Variants in GID8 observed in about 807,000 individuals in gnomAD.
GID8 encodes the protein GID complex subunit 8 homolog.
In GID8, 6 loss-of-function variants were observed where a neutral mutation model predicts 27.4. The observed-to-expected ratio is 0.22, with a 90% CI of 0.12 to 0.43. GID8 has a LOEUF of 0.43. Ranked by LOEUF, GID8 falls within the 20% of genes least tolerant of loss-of-function variation. GID8 has a pLI of 1.00. For synonymous variants in GID8, 112 were observed against 109.0 expected (o/e 1.03, Z -0.17); for missense variants, 173 against 287.6 (o/e 0.60, Z 2.88).
intron 2 of GID8, among the ~76,000 whole-genome samples, chr20:62,942,391 G>A (rs2065447599): frequency 6.6e-6 from 1 of 152,194 alleles, no homozygotes; most frequent in Non-Finnish European, 1.5e-5. Context: ...GGCGGAGGTT[G>A]CAGTGAGCCA....
intron 1 of GID8, among the ~76,000 whole-genome samples, chr20:62,940,015 C>T (rs1007998875): frequency 2.0e-5 from 3 of 152,084 alleles, no homozygotes; most frequent in Non-Finnish European, 4.4e-5. Flanking sequence ...CAGGTAACCC[C>T]CTCCTGAGTG....
At chr20:62,940,964 A>G (rs1051662946) in intron 1 of GID8, among the ~76,000 whole-genome samples, 3 of 152,204 alleles carry the variant, frequency 2.0e-5, no homozygotes, top group Admixed American at 1.3e-4. Context: ...AGGCTGTTAC[A>G]TGGTAAATTG....
At chr20:62,944,309 T>G (rs1439476915) in intron 4 of GID8, among the ~76,000 whole-genome samples, 4 of 152,214 alleles carry the variant, frequency 2.6e-5, no homozygotes, top group African/African-American at 9.7e-5. Flanking sequence ...GCTGCTATGT[T>G]TTTGTCTGGC....
At chr20:62,942,177 A>C (rs2065446651) in intron 2 of GID8, among the ~76,000 whole-genome samples, 1 of 152,164 alleles carries the variant, frequency 6.6e-6, no homozygotes, top group Admixed American at 6.5e-5. Context: ...TTTTGGGCCA[A>C]GCATGGTGGC....
intron 1 of GID8, among the ~76,000 whole-genome samples, chr20:62,940,693 A>C (rs1370095271): frequency 6.6e-6 from 1 of 152,230 alleles, no homozygotes; most frequent in Admixed American, 6.5e-5. Flanking sequence ...AGAGTCATCC[A>C]GGTGACTTTG....
intron 1 of GID8, 29 bp downstream of exon 1, chr20:62,938,282 C>G (rs1352724155): frequency 1.3e-5 from 2 of 150,580 alleles, no homozygotes; most frequent in African/African-American, 4.9e-5. Context: ...GCCCGGGCGG[C>G]CGGGCCGAGC....
rs1397973805 is a variant in GID8, at chr20:62,947,119, T to G, written c.*2207T>G. On this transcript the variant is annotated 3_prime_UTR_variant, in exon 5 of 5. Transcript: ENST00000266069. ...GATAAGCCAGTGCCAGCATCCAGCATGAGCAGATGTCGGGGAGACTGGGAA... is the reference window on the plus strand; with the variant it reads ...GATAAGCCAGTGCCAGCATCCAGCAGGAGCAGATGTCGGGGAGACTGGGAA... 1 of 152,266 alleles carries G rather than the reference T, an allele frequency of 6.6e-6. No homozygotes were observed. The highest frequency in any genetic ancestry group is 1.5e-5 in the Non-Finnish European group (1 of 68,056). 9.4% of individuals were successfully genotyped at this position (152,266 alleles called of 1,614,324 possible).
rs549000401 is a variant in GID8 at position 62,946,943 on chromosome 20, T to C, written c.*2031T>C. The C allele has an allele frequency of 1.6e-4, 24 of 152,368 alleles. No individual in the cohort carries two copies. Among genetic ancestry groups the C allele is most frequent in the Admixed American group, 1.5e-3 (23 of 15,302 alleles). 9.4% of individuals were successfully genotyped at this position (152,368 alleles called of 1,614,324 possible). On this transcript the variant is annotated 3_prime_UTR_variant, in exon 5 of 5. Transcript: ENST00000266069. ...AATATATCATCAATTTGACATATTC[T>C]TAAAACTAGAGGGTGTGAGAAGCAC...
chr20:62,945,778 C>T lies in GID8; in HGVS notation c.*866C>T, dbSNP rs1326142667. 3.1e-6 allele frequency: 4 copies of T among 1,270,950 alleles called. No individual in the cohort carries two copies. In the East Asian group the frequency reaches 2.2e-4, roughly 71 times the overall value. 78.7% of individuals were successfully genotyped at this position (1,270,950 alleles called of 1,614,324 possible). ...ACTTGGCCCTGTGCTGAGTGAGCGG[C>T]CTTCATTAGAGCGAGGCAGCCCTTG... On this transcript the variant is annotated 3_prime_UTR_variant, in exon 5 of 5. Transcript: ENST00000266069.
In GID8 at chr20:62,948,257, C is replaced by T. The variant is rs144163674; in HGVS notation, c.*3345C>T. 91 of 152,284 alleles carry T rather than the reference C, an allele frequency of 6.0e-4. No individual in the cohort carries two copies. The highest frequency in any genetic ancestry group is 2.0e-3 in the African/African-American group (83 of 41,554). The allele number at this position is 152,284 out of a possible 1,614,324, so 9.4% of individuals were successfully genotyped here. ...GTTTTTGTTTCAGAAATATGTATTG[C>T]TTTTCTCATATTTTTTGCAAATTGT... On this transcript the variant is annotated 3_prime_UTR_variant, in exon 5 of 5. Coordinates refer to ENST00000266069, the MANE Select transcript of GID8 (RefSeq NM_017896.3).
At chr20:62,938,912 A>G (rs1229092381) in intron 1 of GID8, 1 of 152,154 alleles carries the variant, frequency 6.6e-6, no homozygotes, top group African/African-American at 2.4e-5. Context: ...TGAGCCCGCG[A>G]GTTCGAGACC....
At chr20:62,942,740 C>G (rs1200996078) in intron 2 of GID8, among the ~76,000 whole-genome samples, 1 of 152,192 alleles carries the variant, frequency 6.6e-6, no homozygotes, top group Non-Finnish European at 1.5e-5. Flanking sequence ...GCCATTCTGA[C>G]CTCTTTGGCT....
rs1268331038 is a variant in GID8 at position 62,941,629 on chromosome 20, T to C, written c.118+9T>C. 2 of 1,400,822 alleles carry C rather than the reference T, an allele frequency of 1.4e-6. No individual in the cohort carries two copies. The highest frequency in any genetic ancestry group is 1.0e-6 in the Non-Finnish European group (1 of 985,210). 86.8% of individuals were successfully genotyped at this position (1,400,822 alleles called of 1,614,324 possible). A position where few individuals can be genotyped will look rare whatever the true frequency, so the allele number is the denominator to read the frequency against. On this transcript the variant is annotated intron_variant, in intron 2 of 4. Transcript: ENST00000266069. ...GAACTACCTGGTCACAGGTAATGGC[T>C]TACAGTGAGGATGCTGTTGCATGAA...
Position 62,943,085 on chromosome 20 carries a change from A to G in GID8, c.217A>G (p.Met73Val), listed in dbSNP as rs2065450481. 6.2e-7 allele frequency: 1 copy of G among 1,613,894 alleles called. No homozygotes were observed. Among genetic ancestry groups the G allele is most frequent in the Non-Finnish European group, 8.5e-7 (1 of 1,179,864 alleles). The change falls in exon 3 of 5, where the codon ATG becomes GTG. Residue 73 changes from methionine to valine, a missense_variant. Transcript: ENST00000266069. The surrounding 1 kb of genome is among the most constrained non-coding windows in gnomAD (Gnocchi z 4.7). Reference protein sequence around the residue: ...TLDERIKIREMILKGQIQEAI... With the variant: ...TLDERIKIREVILKGQIQEAI... ...TGATGAACGAATCAAGATCCGGGAG[A>G]TGATACTGAAAGGTCAGATTCAGGA...
Position 62,945,820 on chromosome 20 carries a change from A to G in GID8, c.*908A>G, listed in dbSNP as rs1319774430. ...CAGCCCTTGGCCGGTGGGGACGCAGAGCCCCAGCAGGTGGTGCACGACTGT... is the reference window on the plus strand; with the variant it reads ...CAGCCCTTGGCCGGTGGGGACGCAGGGCCCCAGCAGGTGGTGCACGACTGT... On this transcript the variant is annotated 3_prime_UTR_variant, in exon 5 of 5. Coordinates refer to ENST00000266069, the MANE Select transcript of GID8 (RefSeq NM_017896.3). The G allele has an allele frequency of 5.4e-6, 7 of 1,288,666 alleles. No individual in the cohort carries two copies. The South Asian group carries it at 8.6e-5, about 16-fold the overall frequency. The allele number at this position is 1,288,666 out of a possible 1,614,324, so 79.8% of individuals were successfully genotyped here. A position where few individuals can be genotyped will look rare whatever the true frequency, so the allele number is the denominator to read the frequency against.
chr20:62,940,622 T>C (rs1352390721), intron 1 of GID8, among the ~76,000 whole-genome samples: 2 of 152,214 alleles, frequency 1.3e-5, no homozygotes, highest in East Asian at 3.8e-4. Context: ...GTGCTGGGAT[T>C]ACAGGCGTGA....
At chr20:62,941,890 G>T (rs2065445419) in intron 2 of GID8, among the ~76,000 whole-genome samples, 1 of 152,200 alleles carries the variant, frequency 6.6e-6, no homozygotes, top group Non-Finnish European at 1.5e-5. Flanking sequence ...CTGTTGTGAA[G>T]TAAGTATATT....
At chr20:62,939,034 C>T (rs2065423940) in intron 1 of GID8, among the ~76,000 whole-genome samples, 1 of 152,082 alleles carries the variant, frequency 6.6e-6, no homozygotes, top group Non-Finnish European at 1.5e-5. Flanking sequence ...GGGAGGATCG[C>T]TTGAGCCCAG....
chr20:62,945,752 C>T lies in GID8; in HGVS notation c.*840C>T, dbSNP rs1257144258. On this transcript the variant is annotated 3_prime_UTR_variant, in exon 5 of 5. Transcript: ENST00000266069. Reference sequence around the variant, plus strand: ...TTCTGGTACCTGCAGCTGGAAAGGCCACTTGGCCCTGTGCTGAGTGAGCGG... The same window carrying T: ...TTCTGGTACCTGCAGCTGGAAAGGCTACTTGGCCCTGTGCTGAGTGAGCGG... The T allele has an allele frequency of 8.1e-7, 1 of 1,229,344 alleles. No individual in the cohort carries two copies. Among genetic ancestry groups the T allele is most frequent in the African/African-American group, 1.5e-5 (1 of 64,610 alleles). 76.2% of individuals were successfully genotyped at this position (1,229,344 alleles called of 1,614,324 possible). A position where few individuals can be genotyped will look rare whatever the true frequency, so the allele number is the denominator to read the frequency against.
Sources: gnomAD v4.1 joint callset for allele counts (sites outside exome capture counted in the v4.1 genomes callset) on GRCh38, gnomAD v4.1.1 for gene constraint, Gnocchi (gnomAD v3.1) non-coding constraint, MANE v1.5 for transcripts, NCBI Gene and HGNC (gene_info 2026-07-23, HGNC 2026-07-21) for gene names.